The following NPC2 variants were observed in gnomAD, a reference collection of about 807,000 sequenced individuals.
NPC2 encodes NPC intracellular cholesterol transporter 2.
A neutral mutation model predicts 17.0 loss-of-function variants in NPC2; 14 were observed. That is an observed-to-expected ratio of 0.82 (90% CI 0.54 to 1.29). NPC2 has a LOEUF of 1.29. Ranked by LOEUF, NPC2 falls within the 50% of genes most tolerant of loss-of-function variation. The pLI, the probability that NPC2 is intolerant of heterozygous loss-of-function variation, is 0.00. For synonymous variants in NPC2, 75 were observed against 69.3 expected, an observed-to-expected ratio of 1.08 and a Z score of -0.41; for missense variants, 167 against 183.4, an observed-to-expected ratio of 0.91 and a Z score of 0.52.
chr14:74,483,524 C>T (rs748862232), intron 3 of NPC2: 6 of 1,520,502 alleles, frequency 3.9e-6, no homozygotes, highest in Non-Finnish European at 5.3e-6. Context: ...TAGTCAGCAG[C>T]AGCTCTGAGC....
intron 2 of NPC2, among the ~76,000 whole-genome samples, 168 bp from the exon 3 acceptor site, chr14:74,484,755 C>CAAAAAA (rs71115996): frequency 6.2e-4 from 53 of 85,166 alleles, no homozygotes; most frequent in South Asian, 9.1e-4. Context: ...CACAATTATG[C>CAAAAAA]AAAAAAAAAA....
rs976318001 is a variant in NPC2 at position 74,493,303 on chromosome 14, A to C, written c.-29T>G. On this transcript the variant is annotated 5_prime_UTR_variant, in exon 1 of 5. Transcript: ENST00000555619. This position sits in a 1 kb window ranked among gnomAD's most constrained non-coding sequence, Gnocchi z 4.1. ...GGATAACGAAGTTCCAAGCTCGGGA[A>C]AGAAGCAGCGGCCGCCCGCGGTCAC... is the stretch of plus-strand genomic sequence containing the variant. 6.2e-7 allele frequency: 1 copy of C among 1,607,270 alleles called. No homozygotes were observed. Among genetic ancestry groups the C allele is most frequent in the South Asian group, 1.1e-5 (1 of 89,638 alleles).
chr14:74,487,482 G>A (rs2086726627), intron 1 of NPC2, among the ~76,000 whole-genome samples: 1 of 151,918 alleles, frequency 6.6e-6, no homozygotes, highest in Non-Finnish European at 1.5e-5. Context: ...GCCCAGGCTG[G>A]TCTCAAACTC....
At chr14:74,492,655 TAG>T (rs1269119112) in intron 1 of NPC2, among the ~76,000 whole-genome samples, 2 of 152,198 alleles carry the variant, frequency 1.3e-5, no homozygotes, top group African/African-American at 4.8e-5. Context: ...AAGCTGTGAT[TAG>T]AGACACAATG....
Position 74,484,607 on chromosome 14 carries a change from T to C in NPC2, c.191-20A>G. On this transcript the variant is annotated intron_variant, in intron 2 of 4. Transcript: ENST00000555619. ...GAATATCTAAGAGAAAAAAAGAGAA[T>C]CAGATGGCAAAGAAAATAACCTATT... 6.2e-7 allele frequency: 1 copy of C among 1,613,536 alleles called. No homozygotes were observed. Among genetic ancestry groups the C allele is most frequent in the Non-Finnish European group, 8.5e-7 (1 of 1,179,740 alleles).
chr14:74,488,345 G>A (rs571105306), intron 1 of NPC2, among the ~76,000 whole-genome samples: 1 of 152,128 alleles, frequency 6.6e-6, no homozygotes. Flanking sequence ...TGACTTCCTA[G>A]AGAAATAAGC....
At chr14:74,485,293 A>T in intron 2 of NPC2, among the ~76,000 whole-genome samples, 1 of 72,468 alleles carries the variant, frequency 1.4e-5, no homozygotes, top group African/African-American at 3.9e-5. Context: ...AGACTCTGTC[A>T]CAAAAAAAAA....
At chr14:74,487,947 C>T (rs1458906806) in intron 1 of NPC2, among the ~76,000 whole-genome samples, 1 of 152,194 alleles carries the variant, frequency 6.6e-6, no homozygotes, top group Admixed American at 6.5e-5. Context: ...TCCAAGGTCA[C>T]ATTGCCTGGA....
chr14:74,484,973 C>A (rs529626186), intron 2 of NPC2, among the ~76,000 whole-genome samples: 1 of 152,124 alleles, frequency 6.6e-6, no homozygotes, highest in South Asian at 2.1e-4. Flanking sequence ...TGGTCTGTAA[C>A]AACAGTGAAA....
chr14:74,489,409 TAAGAA>T (rs2139672951), intron 1 of NPC2, among the ~76,000 whole-genome samples: 1 of 152,330 alleles, frequency 6.6e-6, no homozygotes, highest in East Asian at 1.9e-4. Context: ...TTAAAAAATT[TAAGAA>T]AAGAAATTGG....
intron 1 of NPC2, among the ~76,000 whole-genome samples, chr14:74,490,602 T>G (rs904722829): frequency 6.6e-6 from 1 of 152,232 alleles, no homozygotes; most frequent in South Asian, 2.1e-4. Context: ...GTAGTACTTA[T>G]AGCTCTTTCA....
At chr14:74,480,680 T>C in intron 4 of NPC2, 22 bp downstream of exon 4, 1 of 1,598,238 alleles carries the variant, frequency 6.3e-7, no homozygotes, top group South Asian at 1.1e-5. Context: ...ACCCATGCCC[T>C]CTCACCCCCA....
chr14:74,491,176 G>A (rs952470639), intron 1 of NPC2, among the ~76,000 whole-genome samples: 1 of 152,110 alleles, frequency 6.6e-6, no homozygotes. Flanking sequence ...GGGTTCAAGC[G>A]ATTCTCCTGC....
intron 3 of NPC2, chr14:74,483,466 G>A (rs2086676330): frequency 1.9e-6 from 3 of 1,556,802 alleles, no homozygotes; most frequent in Non-Finnish European, 2.6e-6. Flanking sequence ...AAACACCAGT[G>A]GAAAAGAAAC....
At position 74,491,159 on chromosome 14, in the gene NPC2, A is replaced by G. The variant is rs548101144; in HGVS notation, c.82+2034T>C. On this transcript the variant is annotated intron_variant, in intron 1 of 4. Coordinates refer to ENST00000555619, the MANE Select transcript of NPC2 (RefSeq NM_006432.5). ...GTGATCTTGGCTCACTGTAACCTCC[A>G]CCTCCCGGGTTCAAGCGATTCTCCT... Among the ~76,000 whole-genome samples, 25 of 151,858 alleles carry G rather than the reference A, an allele frequency of 1.6e-4. No individual in the cohort carries two copies. The South Asian group carries it at 5.0e-3, about 30-fold the overall frequency.
At chr14:74,487,016 G>A (rs1299513770) in intron 1 of NPC2, among the ~76,000 whole-genome samples, 2 of 148,056 alleles carry the variant, frequency 1.4e-5, no homozygotes, top group African/African-American at 2.5e-5. Context: ...CAGTGGCACA[G>A]TCTCAGCTCA....
At chr14:74,487,557 G>A (rs1159726569) in intron 1 of NPC2, among the ~76,000 whole-genome samples, 3 of 152,114 alleles carry the variant, frequency 2.0e-5, no homozygotes, top group South Asian at 2.1e-4. Flanking sequence ...ATGAGCCACC[G>A]CACCTGGCCA....
rs977643477 is a variant in NPC2 at position 74,486,326 on chromosome 14, C to T, written c.190+3G>A. 2.5e-6 allele frequency: 4 copies of T among 1,586,482 alleles called. No individual in the cohort carries two copies. The highest frequency in any genetic ancestry group is 2.6e-6 in the Non-Finnish European group (3 of 1,164,912). On this transcript the variant is annotated splice_donor_region_variant and intron_variant, in intron 2 of 4. Coordinates refer to ENST00000555619, the MANE Select transcript of NPC2 (RefSeq NM_006432.5). The stretch of plus-strand genomic sequence containing the variant: ...ATTTGAGTTAAGAGCCACTTTTACG[C>T]ACTGCTGGTGAAGGTGACATTGACG...
intron 1 of NPC2, among the ~76,000 whole-genome samples, chr14:74,490,110 C>T (rs2086755977): frequency 6.6e-6 from 1 of 152,162 alleles, no homozygotes; most frequent in Non-Finnish European, 1.5e-5. Flanking sequence ...CTCTTTCTGT[C>T]TCAAAAGTGG....
Sources: allele counts gnomAD v4.1 joint callset (sites outside exome capture counted in the v4.1 genomes callset), GRCh38; gene constraint gnomAD v4.1.1; non-coding constraint Gnocchi (gnomAD v3.1); transcripts MANE v1.5; gene names NCBI Gene and HGNC (gene_info 2026-07-23, HGNC 2026-07-21).